ZFHX3: variants seen among roughly 807,000 people sequenced by gnomAD.
ZFHX3 encodes zinc finger homeobox 3.
In ZFHX3, 42 loss-of-function variants were observed where a neutral mutation model predicts 279.1. The observed-to-expected ratio is 0.15, with a 90% CI of 0.12 to 0.19. The LOEUF (loss-of-function observed/expected upper bound fraction) is 0.19. Among genes scored for constraint, ZFHX3 ranks in the 10% least tolerant of loss-of-function variants. ZFHX3 has a pLI of 1.00. For synonymous variants in ZFHX3, 2,293 were observed against 1,957.8 expected, an observed-to-expected ratio of 1.17 and a Z score of -4.52; for missense variants, 4,981 against 4,754.0, an observed-to-expected ratio of 1.05 and a Z score of -1.40.
At chr16:73,171,278 G>A (rs1967516289) in intron 5 of ZFHX3, among the ~76,000 whole-genome samples, 1 of 151,956 alleles carries the variant, frequency 6.6e-6, no homozygotes, top group Admixed American at 6.6e-5. Flanking sequence ...AATTACTCTG[G>A]GATAATAGAT....
At chr16:72,842,129 G>A (rs56683121) in intron 4 of ZFHX3, among the ~76,000 whole-genome samples, 100 of 152,300 alleles carry the variant, frequency 6.6e-4, no homozygotes, top group African/African-American at 9.1e-4. Context: ...TGCAGTTGGC[G>A]GAAGCACTAG....
chr16:73,864,921 C>T (rs557619294), intron 1 of ZFHX3, among the ~76,000 whole-genome samples: 130 of 152,336 alleles, frequency 8.5e-4, no homozygotes, highest in Middle Eastern at 3.4e-3. Flanking sequence ...GGGCTGGCCT[C>T]ACAGCTTGTT....
At chr16:73,325,921 AC>A (rs2015675980) in intron 3 of ZFHX3, among the ~76,000 whole-genome samples, 1 of 76,554 alleles carries the variant, frequency 1.3e-5, no homozygotes, top group African/African-American at 4.0e-5. Flanking sequence ...ACACACACAC[AC>A]ACACAAACAC....
At chr16:73,793,147 T>C (rs937568885) in intron 1 of ZFHX3, among the ~76,000 whole-genome samples, 1 of 152,194 alleles carries the variant, frequency 6.6e-6, no homozygotes, top group East Asian at 1.9e-4. Context: ...CCTTCCTATT[T>C]CTTCCTTCTG....
chr16:73,670,083 G>A (rs1597057559), intron 2 of ZFHX3, among the ~76,000 whole-genome samples: 1 of 152,172 alleles, frequency 6.6e-6, no homozygotes, highest in Non-Finnish European at 1.5e-5. Context: ...ATGCTTCAGG[G>A]CATAAATTGC....
intron 4 of ZFHX3, among the ~76,000 whole-genome samples, chr16:72,882,443 G>A (rs2038503053): frequency 1.3e-5 from 2 of 152,152 alleles, no homozygotes; most frequent in African/African-American, 4.8e-5. Flanking sequence ...AATGAATGGT[G>A]GATCTAGAAC....
chr16:73,405,970 T>A (rs1169281012), intron 3 of ZFHX3, among the ~76,000 whole-genome samples: 1 of 152,244 alleles, frequency 6.6e-6, no homozygotes, highest in African/African-American at 2.4e-5. Context: ...ACACAAACAA[T>A]TCCTCCTAGG....
chr16:73,277,184 G>A (rs2014323069), intron 4 of ZFHX3, among the ~76,000 whole-genome samples: 1 of 152,204 alleles, frequency 6.6e-6, no homozygotes, highest in Non-Finnish European at 1.5e-5. Flanking sequence ...ACAAAACACG[G>A]TTGGCATGAT....
intron 2 of ZFHX3, among the ~76,000 whole-genome samples, chr16:73,671,943 G>T (rs2052908245): frequency 1.3e-5 from 2 of 151,206 alleles, no homozygotes; most frequent in Admixed American, 1.3e-4. Flanking sequence ...CAGCTAAATG[G>T]CCCATTGAAG....
chr16:73,680,494 TG>T (rs1398288402), intron 1 of ZFHX3, among the ~76,000 whole-genome samples: 5 of 152,310 alleles, frequency 3.3e-5, no homozygotes, highest in Admixed American at 3.3e-4. Context: ...TCCAAGAAAG[TG>T]GTAGAAGATG....
At chr16:73,172,903 T>G (rs1366510482) in intron 5 of ZFHX3, among the ~76,000 whole-genome samples, 4 of 151,252 alleles carry the variant, frequency 2.6e-5, no homozygotes, top group Non-Finnish European at 4.4e-5. Context: ...TTCGACTGCC[T>G]TGATTTCTCA....
chr16:72,788,222 G>C lies in ZFHX3; in HGVS notation c.10054C>G (p.Leu3352Val). The C allele has an allele frequency of 1.2e-6, 2 of 1,613,622 alleles. No individual in the cohort carries two copies. The highest frequency in any genetic ancestry group is 1.7e-6 in the Non-Finnish European group (2 of 1,179,644). ...FPYSPALSQALMGLSPGSLLQ... is the reference protein window; with the variant it reads ...FPYSPALSQAVMGLSPGSLLQ... ...AGGGAGCCTGGGGACAGCCCCATCAGGGCCTGCGACAGTGCAGGGCTGTAG... is the reference window on the plus strand; with the variant it reads ...AGGGAGCCTGGGGACAGCCCCATCACGGCCTGCGACAGTGCAGGGCTGTAG... The change falls in exon 10 of 10, where the codon CTG becomes GTG. Residue 3352 changes from leucine to valine, a missense_variant. By Grantham distance (32) the Leu-to-Val change is conservative (BLOSUM62 1). This residue lies in a region of ZFHX3 where 1,034 missense variants were observed against 786.0 expected (regional missense o/e 1.32). Coordinates refer to ENST00000268489, the MANE Select transcript of ZFHX3 (RefSeq NM_006885.4).
intron 3 of ZFHX3, among the ~76,000 whole-genome samples, chr16:72,897,651 G>T (rs957868082): frequency 9.2e-5 from 14 of 152,184 alleles, no homozygotes; most frequent in Non-Finnish European, 1.8e-4. Flanking sequence ...AATTTGCCCA[G>T]GCTGGTCTCA....
intron 2 of ZFHX3, among the ~76,000 whole-genome samples, chr16:73,484,332 A>G (rs990996645): frequency 6.6e-6 from 1 of 152,168 alleles, no homozygotes; most frequent in Admixed American, 6.5e-5. Flanking sequence ...TGAGGCTCTA[A>G]TCTCTTAACA....
At chr16:73,072,913 T>A (rs1442824178) in intron 8 of ZFHX3, among the ~76,000 whole-genome samples, 1 of 151,914 alleles carries the variant, frequency 6.6e-6, no homozygotes, top group Non-Finnish European at 1.5e-5. Flanking sequence ...TTTTTTTTTA[T>A]TTGAGACGGA....
intron 5 of ZFHX3, among the ~76,000 whole-genome samples, chr16:73,206,803 G>A (rs6499621): frequency 0.93 from 140,896 of 152,048 alleles, 65,762 homozygotes; most frequent in African/African-American, 0.98. Flanking sequence ...GGATCACTTG[G>A]GGTCAGGATT....
chr16:73,114,057 A>G (rs1031710500), intron 7 of ZFHX3, among the ~76,000 whole-genome samples: 1 of 151,498 alleles, frequency 6.6e-6, no homozygotes, highest in Admixed American at 6.6e-5. Context: ...CGGCCTCCCA[A>G]AGTGCTGGGA....
At chr16:73,175,231 T>A (rs1054234303) in intron 5 of ZFHX3, among the ~76,000 whole-genome samples, 1 of 151,600 alleles carries the variant, frequency 6.6e-6, no homozygotes, top group African/African-American at 2.4e-5. Flanking sequence ...ACTAAAAAAA[T>A]TAGCTGGGCA....
chr16:72,933,698 T>C (rs1411276002), intron 3 of ZFHX3, among the ~76,000 whole-genome samples: 1 of 152,188 alleles, frequency 6.6e-6, no homozygotes, highest in Non-Finnish European at 1.5e-5. Flanking sequence ...TATGGGTTTT[T>C]ATTGTAGTTT....
Sources: allele counts gnomAD v4.1 joint callset (sites outside exome capture counted in the v4.1 genomes callset), GRCh38; gene constraint gnomAD v4.1.1; regional missense constraint gnomAD v4.1.1; transcripts MANE v1.5; gene names NCBI Gene and HGNC (gene_info 2026-07-23, HGNC 2026-07-21).